AHCTF1: variants seen among roughly 807,000 people sequenced by gnomAD.
AHCTF1 encodes AT-hook containing transcription factor 1, also known as protein ELYS.
A neutral mutation model predicts 248.4 loss-of-function variants in AHCTF1; 24 were observed. The ratio of observed to expected loss-of-function variants is 0.10; its 90% CI spans 0.07 to 0.14. AHCTF1 has a LOEUF of 0.14. Ranked by LOEUF, AHCTF1 falls within the 10% of genes least tolerant of loss-of-function variation. The pLI is 1.00. For synonymous variants in AHCTF1, 786 were observed against 929.8 expected (o/e 0.85, Z 2.81); for missense variants, 2,206 against 2,636.2 (o/e 0.84, Z 3.57).
At chr1:246,869,482 G>A (rs185156779) in intron 24 of AHCTF1, among the ~76,000 whole-genome samples, 1 of 152,310 alleles carries the variant, frequency 6.6e-6, no homozygotes, top group East Asian at 1.9e-4. Context: ...CACATGAATG[G>A]AGAAGTCAAT....
At chr1:246,927,016 T>C (rs1572481315) in intron 1 of AHCTF1, among the ~76,000 whole-genome samples, 1 of 148,122 alleles carries the variant, frequency 6.8e-6, no homozygotes, top group Non-Finnish European at 1.5e-5. Flanking sequence ...CTACTAAAAA[T>C]ACAGAAACAA....
intron 26 of AHCTF1, among the ~76,000 whole-genome samples, chr1:246,866,526 GTTGT>G (rs1661992055): frequency 2.0e-5 from 3 of 152,068 alleles, no homozygotes; most frequent in African/African-American, 4.8e-5. Flanking sequence ...TCTGGCCTCA[GTTGT>G]TTGTATGACC....
chr1:246,895,308 T>C (rs1664494046), intron 13 of AHCTF1, among the ~76,000 whole-genome samples: 2 of 152,160 alleles, frequency 1.3e-5, no homozygotes, highest in South Asian at 4.1e-4. Context: ...GAAGCAGCAA[T>C]ACTGAAATAT....
At chr1:246,912,448 A>T (rs1342399363) in intron 4 of AHCTF1, among the ~76,000 whole-genome samples, 1 of 151,444 alleles carries the variant, frequency 6.6e-6, no homozygotes, top group Non-Finnish European at 1.5e-5. Flanking sequence ...ACGCCACTGC[A>T]CTCCAGCCTG....
intron 1 of AHCTF1, among the ~76,000 whole-genome samples, chr1:246,924,158 G>A (rs890255975): frequency 3.3e-5 from 5 of 152,090 alleles, no homozygotes; most frequent in African/African-American, 1.2e-4. Flanking sequence ...GAAACCTGTG[G>A]TAAAATAACA....
intron 1 of AHCTF1, among the ~76,000 whole-genome samples, chr1:246,924,696 T>C (rs1666813342): frequency 6.6e-6 from 1 of 152,200 alleles, no homozygotes. Flanking sequence ...GTTCAGGCTA[T>C]AAATGCTATC....
At chr1:246,869,132 C>G (rs565185172) in intron 24 of AHCTF1, among the ~76,000 whole-genome samples, 2 of 151,802 alleles carry the variant, frequency 1.3e-5, no homozygotes, top group East Asian at 3.9e-4. Flanking sequence ...CGTGAGCCAC[C>G]ACGCCCGGCC....
At position 246,912,161 on chromosome 1, in the gene AHCTF1, C is replaced by G. The variant is rs534244460; in HGVS notation, c.556+1071G>C. Among the ~76,000 whole-genome samples the G allele has an allele frequency of 2.0e-5, 3 of 152,142 alleles. No homozygotes were observed. The South Asian group carries it at 6.2e-4, about 32-fold the overall frequency. Reference sequence around the variant, plus strand: ...TGCTCCATAAATGAAAAGAGCTACACTGATATTCTAGGCTTGCTTTAAAAA... The same window carrying G: ...TGCTCCATAAATGAAAAGAGCTACAGTGATATTCTAGGCTTGCTTTAAAAA... On this transcript the variant is annotated intron_variant, in intron 4 of 35. Transcript: ENST00000648844.
chr1:246,899,527 TA>T lies in AHCTF1; in HGVS notation c.1433-16del. On this transcript the variant is annotated splice_polypyrimidine_tract_variant and intron_variant, in intron 10 of 35. Coordinates refer to ENST00000648844, the MANE Select transcript of AHCTF1 (RefSeq NM_001323342.2). ...ACAAGTGGCATCTAAAAAAAAGATT[TA>T]AAAAATAATCCACTTACATATATTT... The T allele has an allele frequency of 6.3e-7, 1 of 1,597,936 alleles. No individual in the cohort carries two copies. The highest frequency in any genetic ancestry group is 8.6e-7 in the Non-Finnish European group (1 of 1,169,462).
At chr1:246,890,227 G>A (rs1280031610) in intron 16 of AHCTF1, among the ~76,000 whole-genome samples, 168 bp from the exon 17 acceptor site, 1 of 152,188 alleles carries the variant, frequency 6.6e-6, no homozygotes, top group Non-Finnish European at 1.5e-5. Flanking sequence ...ATTTACAGAG[G>A]CACAAGTGAG....
intron 24 of AHCTF1, 70 bp from the exon 25 acceptor site, chr1:246,867,881 G>GA: frequency 2.9e-6 from 2 of 693,448 alleles, no homozygotes; most frequent in Non-Finnish European, 4.0e-6. Flanking sequence ...GCATATGAAA[G>GA]AATGATTACA....
chr1:246,900,654 T>C (rs746406227), intron 8 of AHCTF1, among the ~76,000 whole-genome samples, 185 bp from the exon 9 acceptor site: 58 of 152,228 alleles, frequency 3.8e-4, no homozygotes, highest in Admixed American at 2.1e-3. Flanking sequence ...TTTGACTGTT[T>C]CTCAATTTTA....
At chr1:246,898,371 G>A (rs1030617561) in intron 11 of AHCTF1, 35 bp from the exon 12 acceptor site, 2 of 1,569,238 alleles carry the variant, frequency 1.3e-6, no homozygotes, top group Non-Finnish European at 1.7e-6. Flanking sequence ...ATCAATCAAT[G>A]CTCAATTTGA....
In AHCTF1 at chr1:246,899,355, ACT is replaced by A. The variant is rs1462110020; in HGVS notation, c.1494+94_1494+95del. The A allele has an allele frequency of 5.0e-6, 5 of 1,007,352 alleles. No homozygotes were observed. In the African/African-American group the frequency reaches 6.7e-5, roughly 14 times the overall value. The allele number at this position is 1,007,352 out of a possible 1,614,324, so 62.4% of individuals were successfully genotyped here. A position where few individuals can be genotyped will look rare whatever the true frequency, so the allele number is the denominator to read the frequency against. The stretch of plus-strand genomic sequence containing the variant: ...AGAAGCTACCATTTAAGCTGAAACA[ACT>A]GTCAATATCACTAAGTAAAACTTAA... On this transcript the variant is annotated intron_variant, in intron 11 of 35. Transcript: ENST00000648844.
chr1:246,914,858 A>C (rs1205476916), intron 3 of AHCTF1, among the ~76,000 whole-genome samples: 2 of 152,130 alleles, frequency 1.3e-5, no homozygotes, highest in African/African-American at 2.4e-5. Flanking sequence ...ATGAGTGTCC[A>C]TGTTTCCTTC....
intron 29 of AHCTF1, among the ~76,000 whole-genome samples, chr1:246,859,400 A>C (rs1309590380): frequency 6.6e-6 from 1 of 152,090 alleles, no homozygotes; most frequent in African/African-American, 2.4e-5. Flanking sequence ...TGTTAACCAA[A>C]CTGGATTCTA....
At chr1:246,904,480 A>T (rs1665242412) in intron 6 of AHCTF1, among the ~76,000 whole-genome samples, 1 of 152,128 alleles carries the variant, frequency 6.6e-6, no homozygotes, top group Non-Finnish European at 1.5e-5. Context: ...TAATAAACAA[A>T]ATATCCTTTA....
At chr1:246,895,028 T>TA (rs35083660) in intron 13 of AHCTF1, among the ~76,000 whole-genome samples, 1,886 of 144,760 alleles carry the variant, frequency 0.013, 26 homozygotes, top group African/African-American at 0.033. Flanking sequence ...CTAATTCCTT[T>TA]AAAAAAAAAA....
rs760156275 is a variant in AHCTF1, at chr1:246,902,515, T to G, written c.1117+10A>C. The G allele has an allele frequency of 6.2e-7, 1 of 1,605,696 alleles. No homozygotes were observed. Among genetic ancestry groups the G allele is most frequent in the Admixed American group, 1.7e-5 (1 of 59,166 alleles). ...CCTTCACATGACATATTTCAAGTACTTTAACTAACCTTCATTCACGCCTTC... is the reference window on the plus strand; with the variant it reads ...CCTTCACATGACATATTTCAAGTACGTTAACTAACCTTCATTCACGCCTTC... On this transcript the variant is annotated intron_variant, in intron 8 of 35. Transcript: ENST00000648844.
Sources: allele counts gnomAD v4.1 joint callset (sites outside exome capture counted in the v4.1 genomes callset), GRCh38; gene constraint gnomAD v4.1.1; transcripts MANE v1.5; gene names NCBI Gene and HGNC (gene_info 2026-07-23, HGNC 2026-07-21).